TDRD5: variants seen among roughly 807,000 people sequenced by gnomAD.
The protein encoded by TDRD5 is tudor domain containing 5.
Under a neutral mutation model 120.6 loss-of-function variants are expected in TDRD5, and 41 were observed. That is an observed-to-expected ratio of 0.34 (90% CI 0.26 to 0.44). The LOEUF (loss-of-function observed/expected upper bound fraction) is 0.44, where lower values mean the gene tolerates loss of function less well. TDRD5 is among the 20% of genes least tolerant of loss of function. The probability of loss-of-function intolerance (pLI) is 1.00; values close to 1 mark genes in which losing one functional copy is unlikely to be tolerated. For synonymous variants in TDRD5, 430 were observed against 433.7 expected (o/e 0.99, Z 0.11); for missense variants, 1,006 against 1,221.2 (o/e 0.82, Z 2.63).
chr1:179,637,013 T>C (rs952579480), intron 9 of TDRD5, among the ~76,000 whole-genome samples: 2 of 152,244 alleles, frequency 1.3e-5, no homozygotes, highest in African/African-American at 4.8e-5. Context: ...CTCTTTTCTC[T>C]ACTAAAAATT....
chr1:179,638,263 A>G (rs1467738094), intron 9 of TDRD5, among the ~76,000 whole-genome samples: 2 of 108,976 alleles, frequency 1.8e-5, no homozygotes, highest in Non-Finnish European at 4.0e-5. Context: ...GAGACTAGAA[A>G]GGAAGAGATA....
intron 4 of TDRD5, among the ~76,000 whole-genome samples, chr1:179,597,903 G>A (rs980663240): frequency 6.6e-6 from 1 of 152,068 alleles, no homozygotes. Flanking sequence ...TTCTGTTTTT[G>A]CCAATACTGT....
intron 17 of TDRD5, among the ~76,000 whole-genome samples, chr1:179,672,371 G>A (rs1251051048): frequency 6.6e-6 from 1 of 152,166 alleles, no homozygotes; most frequent in Non-Finnish European, 1.5e-5. Context: ...AATTAGTGAT[G>A]TTGAGCATTT....
At chr1:179,642,933 C>A (rs1015140423) in intron 11 of TDRD5, among the ~76,000 whole-genome samples, 3 of 152,170 alleles carry the variant, frequency 2.0e-5, no homozygotes, top group Admixed American at 1.3e-4. Context: ...TGAGAATCTG[C>A]AGTCTTGCTG....
At chr1:179,665,208 T>A (rs1679502352) in intron 16 of TDRD5, among the ~76,000 whole-genome samples, 1 of 152,198 alleles carries the variant, frequency 6.6e-6, no homozygotes, top group South Asian at 2.1e-4. Flanking sequence ...TCTGTTTTTC[T>A]TTTTCACTTA....
At chr1:179,597,167 AAATT>A (rs1675437145) in intron 4 of TDRD5, among the ~76,000 whole-genome samples, 1 of 152,162 alleles carries the variant, frequency 6.6e-6, no homozygotes, top group Non-Finnish European at 1.5e-5. Context: ...TGAATTGGAA[AAATT>A]TACATATTCT....
In TDRD5 at chr1:179,595,617, A is replaced by G. The variant is rs377569459; in HGVS notation, c.641-11A>G. 3.2e-6 allele frequency: 5 copies of G among 1,545,144 alleles called. No homozygotes were observed. In the African/African-American group the frequency reaches 4.2e-5, roughly 13 times the overall value. ...GACAATTTTTCTTTCTTCTTCTATT[A>G]CTCACAAAAGGTAAAATTTTTACCC... On this transcript the variant is annotated splice_polypyrimidine_tract_variant and intron_variant, in intron 3 of 17. Coordinates refer to ENST00000444136, the MANE Select transcript of TDRD5 (RefSeq NM_001199085.3).
At chr1:179,658,253 ATACTGTCC>A in intron 14 of TDRD5, among the ~76,000 whole-genome samples, 1 of 152,236 alleles carries the variant, frequency 6.6e-6, no homozygotes, top group Admixed American at 6.5e-5. Flanking sequence ...GTACAGGTTG[ATACTGTCC>A]TAATAAAATG....
At chr1:179,656,691 T>A (rs1679024212) in intron 14 of TDRD5, among the ~76,000 whole-genome samples, 1 of 152,232 alleles carries the variant, frequency 6.6e-6, no homozygotes. Context: ...CAGTGACCTA[T>A]ATGTTTGTCT....
intron 4 of TDRD5, among the ~76,000 whole-genome samples, chr1:179,610,869 A>AT (rs200389423): frequency 0.018 from 2,685 of 152,104 alleles, 27 homozygotes; most frequent in Non-Finnish European, 0.027. Context: ...TTTCAATGAG[A>AT]TTTCTTAGAA....
In TDRD5 at chr1:179,652,295, T is replaced by G. The variant is rs112514003; in HGVS notation, c.2160+98T>G. On this transcript the variant is annotated intron_variant, in intron 13 of 17. Coordinates refer to ENST00000444136, the MANE Select transcript of TDRD5 (RefSeq NM_001199085.3). ...CAAGGCTTTCCAAATTTTGGAAAGT[T>G]TGGAAATTTTGCACAGTGATCTTAA... 1.5e-3 allele frequency: 1,926 copies of G among 1,245,706 alleles called. 30 individuals are homozygous for G. In the African/African-American group the frequency reaches 0.027, roughly 17 times the overall value. The allele number at this position is 1,245,706 out of a possible 1,614,324, so 77.2% of individuals were successfully genotyped here. A position where few individuals can be genotyped will look rare whatever the true frequency, so the allele number is the denominator to read the frequency against.
intron 17 of TDRD5, among the ~76,000 whole-genome samples, chr1:179,690,203 C>A (rs1380132806): frequency 1.3e-5 from 2 of 152,192 alleles, no homozygotes; most frequent in Admixed American, 1.3e-4. Context: ...AACCTCTCGG[C>A]ATTTATTTTA....
chr1:179,683,460 T>G (rs1456160710), intron 17 of TDRD5, among the ~76,000 whole-genome samples: 2 of 152,210 alleles, frequency 1.3e-5, no homozygotes, highest in Non-Finnish European at 2.9e-5. Flanking sequence ...AAAATTATTC[T>G]TTTTCCTCTC....
intron 4 of TDRD5, among the ~76,000 whole-genome samples, chr1:179,609,433 T>C (rs2101940589): frequency 6.6e-6 from 1 of 152,324 alleles, no homozygotes; most frequent in African/African-American, 2.4e-5. Flanking sequence ...GGTATGGGAT[T>C]TTCCACTTGT....
chr1:179,661,444 ATCTG>A (rs1202003097), intron 14 of TDRD5, among the ~76,000 whole-genome samples: 3 of 151,116 alleles, frequency 2.0e-5, no homozygotes, highest in Non-Finnish European at 2.9e-5. Context: ...ATTTCTAGGG[ATCTG>A]TCTTCAAGTT....
chr1:179,690,714 T>G lies in TDRD5; in HGVS notation c.2879T>G (p.Ile960Ser). The G allele has an allele frequency of 5.0e-6, 8 of 1,613,902 alleles. No individual in the cohort carries two copies. Among genetic ancestry groups the G allele is most frequent in the Non-Finnish European group, 6.8e-6 (8 of 1,179,882 alleles). The change falls in exon 18 of 18, where the codon ATC (isoleucine) becomes AGC (serine). Residue 960 changes from isoleucine to serine, a missense_variant. Ile to Ser is a moderately radical substitution (Grantham distance 142). This residue lies in a region of TDRD5 where 403 missense variants were observed against 448.1 expected (regional missense o/e 0.90). Transcript: ENST00000444136. ...PSGSVESSPE[I>S]LKNEDFSSSR... The stretch of plus-strand genomic sequence containing the variant: ...TTTCCAGTGGAAAGCTCACCAGAGA[T>G]CCTAAAGAATGAAGATTTTTCTAGC...
chr1:179,660,874 T>C (rs1237400816), intron 14 of TDRD5, among the ~76,000 whole-genome samples: 1 of 152,222 alleles, frequency 6.6e-6, no homozygotes, highest in Non-Finnish European at 1.5e-5. Flanking sequence ...TGAGTAGGTA[T>C]GCTGACCATG....
At chr1:179,617,166 A>G (rs1180156003) in intron 4 of TDRD5, among the ~76,000 whole-genome samples, 2 of 152,180 alleles carry the variant, frequency 1.3e-5, no homozygotes, top group Non-Finnish European at 2.9e-5. Context: ...GAAATGCCCA[A>G]GAAAATGTGA....
intron 14 of TDRD5, among the ~76,000 whole-genome samples, chr1:179,659,525 A>C (rs1679170934): frequency 6.7e-6 from 1 of 150,168 alleles, no homozygotes; most frequent in South Asian, 2.1e-4. Flanking sequence ...TAATGCACTG[A>C]TATCAGTATA....
Sources: allele counts gnomAD v4.1 joint callset (sites outside exome capture counted in the v4.1 genomes callset), GRCh38; gene constraint gnomAD v4.1.1; regional missense constraint gnomAD v4.1.1; transcripts MANE v1.5; gene names NCBI Gene and HGNC (gene_info 2026-07-23, HGNC 2026-07-21).